Variants in JPH3 observed in about 807,000 individuals in gnomAD.
JPH3 encodes junctophilin-3.
Under a neutral mutation model 59.6 loss-of-function variants are expected in JPH3, and 11 were observed. The ratio of observed to expected loss-of-function variants is 0.18; its 90% CI spans 0.12 to 0.31. The LOEUF (loss-of-function observed/expected upper bound fraction) is 0.31, where lower values mean the gene tolerates loss of function less well. Among genes scored for constraint, JPH3 ranks in the 10% least tolerant of loss-of-function variants. The pLI, the probability that JPH3 is intolerant of heterozygous loss-of-function variation, is 1.00. For synonymous variants in JPH3, 673 were observed against 483.6 expected (o/e 1.39, Z -5.14); for missense variants, 1,202 against 1,105.7 (o/e 1.09, Z -1.24).
rs74039507 is a variant in JPH3, at chr16:87,607,173, A to G, written c.382+3645A>G. 8.6e-3 allele frequency among the ~76,000 whole-genome samples: 1,307 copies of G among 152,242 alleles called. 20 individuals carry two copies. The highest frequency in any genetic ancestry group is 0.03 in the African/African-American group (1,233 of 41,496). ...CATGCACAGACGGGCAAACCCATAC[A>G]CTGCCCAGGACCCCTGGCCCCCTGA... On this transcript the variant is annotated intron_variant, in intron 1 of 4. Coordinates refer to ENST00000284262, the MANE Select transcript of JPH3 (RefSeq NM_020655.4).
rs1010530114 is a variant in JPH3 at position 87,697,082 on chromosome 16, C to G, written c.*422C>G. 3.8e-6 allele frequency: 1 copy of G among 266,516 alleles called. No homozygotes were observed. The highest frequency in any genetic ancestry group is 7.4e-6 in the Non-Finnish European group (1 of 136,000). The allele number at this position is 266,516 out of a possible 1,614,324, so 16.5% of individuals were successfully genotyped here. A position where few individuals can be genotyped will look rare whatever the true frequency, so the allele number is the denominator to read the frequency against. On this transcript the variant is annotated 3_prime_UTR_variant, in exon 5 of 5. Coordinates refer to ENST00000284262, the MANE Select transcript of JPH3 (RefSeq NM_020655.4). ...GTGGCAGGGCTGACTCCCGTCGACA[C>G]GAGCTTAGAAAGTGGATTCACTGCT...
intron 4 of JPH3, among the ~76,000 whole-genome samples, chr16:87,691,086 ACC>A (rs11418087): frequency 7.2e-6 from 1 of 138,528 alleles, no homozygotes; most frequent in Non-Finnish European, 1.6e-5. Context: ...CTCACCCAGC[ACC>A]CCCCCCCCAA....
chr16:87,665,684 C>T (rs1363471859), intron 2 of JPH3, among the ~76,000 whole-genome samples: 3 of 152,222 alleles, frequency 2.0e-5, no homozygotes, highest in East Asian at 3.9e-4. Context: ...GAGAGGCACT[C>T]AACAACCACG....
At chr16:87,664,222 A>T (rs1334725695) in intron 2 of JPH3, among the ~76,000 whole-genome samples, 2 of 149,674 alleles carry the variant, frequency 1.3e-5, no homozygotes, top group Non-Finnish European at 1.5e-5. Flanking sequence ...TCCCAGCTAC[A>T]TGGGAGGCTG....
chr16:87,642,520 A>G (rs1163523305), intron 1 of JPH3, among the ~76,000 whole-genome samples: 1 of 152,268 alleles, frequency 6.6e-6, no homozygotes, highest in Non-Finnish European at 1.5e-5. Flanking sequence ...TGGGACGAAT[A>G]AAACCTACGT....
intron 2 of JPH3, among the ~76,000 whole-genome samples, chr16:87,665,518 C>G (rs942048105): frequency 1.3e-5 from 2 of 152,232 alleles, no homozygotes; most frequent in African/African-American, 4.8e-5. Flanking sequence ...CTGAGCCTCC[C>G]AAGGCCCCCC....
chr16:87,606,357 G>A lies in JPH3; in HGVS notation c.382+2829G>A, dbSNP rs530892608. Among the ~76,000 whole-genome samples, 23 of 152,392 alleles carry A rather than the reference G, an allele frequency of 1.5e-4. No individual in the cohort carries two copies. In the South Asian group the frequency reaches 4.3e-3, roughly 29 times the overall value. ...CACCAGCGGCCAGCGTATTCCACAT[G>A]TAGCTGGAATTGGTGTGGAATTTCA... On this transcript the variant is annotated intron_variant, in intron 1 of 4. Coordinates refer to ENST00000284262, the MANE Select transcript of JPH3 (RefSeq NM_020655.4).
chr16:87,607,440 C>T (rs767116353), intron 1 of JPH3, among the ~76,000 whole-genome samples: 52 of 152,242 alleles, frequency 3.4e-4, no homozygotes, highest in Non-Finnish European at 4.8e-4. Flanking sequence ...TCCCCCCAGG[C>T]GCCTGCGCAC....
At chr16:87,652,621 G>C (rs1326870476) in intron 2 of JPH3, among the ~76,000 whole-genome samples, 1 of 152,246 alleles carries the variant, frequency 6.6e-6, no homozygotes, top group Non-Finnish European at 1.5e-5. Flanking sequence ...ACGCAGCTGG[G>C]CTAGGATGGC....
intron 4 of JPH3, 184 bp from the exon 5 acceptor site, chr16:87,696,396 G>C: frequency 1.6e-6 from 1 of 607,014 alleles, no homozygotes; most frequent in Non-Finnish European, 2.9e-6. Flanking sequence ...TCTCTCCCGC[G>C]TCTGGACTTC....
At position 87,678,098 on chromosome 16, in the gene JPH3, C is replaced by G. The variant is rs193016481; in HGVS notation, c.1161-6044C>G. Among the ~76,000 whole-genome samples the G allele has an allele frequency of 4.4e-3, 662 of 152,004 alleles. 4 individuals carry two copies. The highest frequency in any genetic ancestry group is 0.013 in the African/African-American group (522 of 41,472). The stretch of plus-strand genomic sequence containing the variant: ...GAGACCCCATCTCTACAAAAATAAA[C>G]AAAATTAGCCAGGCGTAGTGTCTTC... On this transcript the variant is annotated intron_variant, in intron 2 of 4. Transcript: ENST00000284262.
At chr16:87,696,102 G>C (rs1223133475) in intron 4 of JPH3, 25 of 457,634 alleles carry the variant, frequency 5.5e-5, no homozygotes, top group Non-Finnish European at 9.2e-5. Flanking sequence ...ACGGACTTTG[G>C]GAGTCCTCTG....
intron 4 of JPH3, chr16:87,694,323 G>A (rs531242395): frequency 5.4e-4 from 82 of 152,396 alleles, no homozygotes; most frequent in African/African-American, 1.9e-3. Flanking sequence ...GCTGGCGTGA[G>A]GCCCTTCAAC....
At chr16:87,694,777 C>A (rs1242914498) in intron 4 of JPH3, 2 of 177,328 alleles carry the variant, frequency 1.1e-5, no homozygotes, top group South Asian at 2.8e-4. Context: ...TCAGCTCCAT[C>A]ACCTTAAACC....
chr16:87,659,039 G>T (rs892120830), intron 2 of JPH3, among the ~76,000 whole-genome samples: 12 of 152,188 alleles, frequency 7.9e-5, no homozygotes, highest in Non-Finnish European at 1.6e-4. Context: ...CGGCCACAGC[G>T]AAAGCCATGC....
intron 2 of JPH3, among the ~76,000 whole-genome samples, chr16:87,674,301 C>G (rs1423069195): frequency 2.0e-5 from 3 of 152,094 alleles, no homozygotes; most frequent in Non-Finnish European, 4.4e-5. Flanking sequence ...GCCACTGACT[C>G]CAGCCTGGAC....
chr16:87,664,002 T>G (rs1460512943), intron 2 of JPH3, among the ~76,000 whole-genome samples: 1 of 152,144 alleles, frequency 6.6e-6, no homozygotes, highest in East Asian at 1.9e-4. Context: ...TGGCCTTGTT[T>G]TGAGGAAATA....
chr16:87,690,209 C>A lies in JPH3; in HGVS notation c.1849C>A (p.Pro617Thr). Residue 617 changes from proline (P) to threonine (T), a missense_variant, in exon 4 of 5, where the codon CCC becomes ACC. By Grantham distance (38) the Pro-to-Thr change is conservative. Coordinates refer to ENST00000284262, the MANE Select transcript of JPH3 (RefSeq NM_020655.4). ...KLSNYRMEMK[P>T]LLRMETHPQK... ...GAGCAACTACCGGATGGAGATGAAACCCTTGCTGAGGATGGAGACGCATCC... is the reference window on the plus strand; with the variant it reads ...GAGCAACTACCGGATGGAGATGAAAACCTTGCTGAGGATGGAGACGCATCC... 2 of 1,603,378 alleles carry A rather than the reference C, an allele frequency of 1.2e-6. No individual in the cohort carries two copies. Among genetic ancestry groups the A allele is most frequent in the Non-Finnish European group, 1.7e-6 (2 of 1,175,602 alleles).
At chr16:87,662,911 C>T in intron 2 of JPH3, among the ~76,000 whole-genome samples, 1 of 152,208 alleles carries the variant, frequency 6.6e-6, no homozygotes, top group East Asian at 1.9e-4. Flanking sequence ...CGGCTCCTTT[C>T]ACGGACTTCC....
Sources: gnomAD v4.1 joint callset for allele counts (sites outside exome capture counted in the v4.1 genomes callset) on GRCh38, gnomAD v4.1.1 for gene constraint, MANE v1.5 for transcripts, NCBI Gene and HGNC (gene_info 2026-07-23, HGNC 2026-07-21) for gene names.